Variants in CNTN6 observed in about 807,000 individuals in gnomAD.
CNTN6 encodes the protein contactin 6, also known as contactin-6.
A neutral mutation model predicts 122.8 loss-of-function variants in CNTN6; 137 were observed. The ratio of observed to expected loss-of-function variants is 1.12; its 90% CI spans 0.97 to 1.29. CNTN6 has a LOEUF of 1.29. Ranked by LOEUF, CNTN6 falls within the 50% of genes most tolerant of loss-of-function variation. The pLI is 0.00. For synonymous variants in CNTN6, 570 were observed against 426.0 expected (o/e 1.34, Z -4.16); for missense variants, 1,634 against 1,223.4 (o/e 1.34, Z -5.01).
rs149409711 is a variant in CNTN6 at position 1,373,574 on chromosome 3, A to G, written c.1787-30A>G. ...AAATTAATGAATGTAAGTATCTCCA[A>G]TGGAGTCATGATAAAACATTTTTTT... On this transcript the variant is annotated intron_variant, in intron 14 of 22. Transcript: ENST00000446702. 401 of 1,605,476 alleles carry G rather than the reference A, an allele frequency of 2.5e-4. 4 individuals carry two copies. In the African/African-American group the frequency reaches 4.1e-3, roughly 16 times the overall value.
chr3:1,111,245 T>C (rs2091467040), intron 1 of CNTN6, among the ~76,000 whole-genome samples: 2 of 152,168 alleles, frequency 1.3e-5, no homozygotes, highest in African/African-American at 4.8e-5. Flanking sequence ...CCCAGTGCTA[T>C]TTAGCTCATT....
At chr3:1,395,259 G>T (rs1382446424) in intron 20 of CNTN6, among the ~76,000 whole-genome samples, 2 of 152,020 alleles carry the variant, frequency 1.3e-5, no homozygotes, top group Non-Finnish European at 2.9e-5. Context: ...TCTATTAATG[G>T]CCTTAAACTC....
chr3:1,290,069 G>A (rs1695077813), intron 5 of CNTN6, among the ~76,000 whole-genome samples: 2 of 152,146 alleles, frequency 1.3e-5, no homozygotes, highest in African/African-American at 4.8e-5. Context: ...AGATTTCCTG[G>A]CTCCTCCCCA....
chr3:1,174,622 A>G (rs2093415969), intron 2 of CNTN6, among the ~76,000 whole-genome samples: 1 of 152,046 alleles, frequency 6.6e-6, no homozygotes, highest in Non-Finnish European at 1.5e-5. Context: ...ATTAGTAACT[A>G]TCAGTGTGAA....
intron 11 of CNTN6, among the ~76,000 whole-genome samples, chr3:1,339,114 A>T (rs975036308): frequency 6.6e-6 from 1 of 151,500 alleles, no homozygotes; most frequent in Admixed American, 6.6e-5. Context: ...TCTTTTTTTC[A>T]TAGTAGAACT....
At chr3:1,362,573 G>C (rs550769101) in intron 12 of CNTN6, among the ~76,000 whole-genome samples, 2 of 151,958 alleles carry the variant, frequency 1.3e-5, no homozygotes, top group Non-Finnish European at 2.9e-5. Context: ...ATTAGTAAAG[G>C]GGAGGATGCG....
Position 1,373,963 on chromosome 3 carries a change from T to C in CNTN6, c.1985T>C (p.Val662Ala), listed in dbSNP as rs766270923. 1 of 1,613,130 alleles carries C rather than the reference T, an allele frequency of 6.2e-7. No individual in the cohort carries two copies. Among genetic ancestry groups the C allele is most frequent in the South Asian group, 1.1e-5 (1 of 91,040 alleles). ...ILNGKTYNAT[V>A]VGLSPWVEYE... is the part of the protein sequence containing the mutation. The stretch of plus-strand genomic sequence containing the variant: ...AATGGTAAGACATACAATGCAACAG[T>C]GGTTGGTTTGAGTCCTTGGGTGGAA... The change falls in exon 16 of 23, where the codon GTG (valine) becomes GCG (alanine). Residue 662 changes from valine (V) to alanine (A), a missense_variant. By Grantham distance (64) the Val-to-Ala change is moderately conservative. Coordinates refer to ENST00000446702, the MANE Select transcript of CNTN6 (RefSeq NM_001289080.2).
intron 4 of CNTN6, among the ~76,000 whole-genome samples, chr3:1,246,807 C>A (rs1189192672): frequency 6.6e-6 from 1 of 152,024 alleles, no homozygotes; most frequent in Non-Finnish European, 1.5e-5. Flanking sequence ...TTATTATTGG[C>A]TATTTGGAAA....
intron 1 of CNTN6, among the ~76,000 whole-genome samples, chr3:1,110,195 G>GT (rs2091415713): frequency 6.6e-6 from 1 of 152,112 alleles, no homozygotes; most frequent in African/African-American, 2.4e-5. Flanking sequence ...TCACTTTTAA[G>GT]TATTAATGTC....
intron 20 of CNTN6, among the ~76,000 whole-genome samples, chr3:1,396,767 A>T (rs1173894882): frequency 6.6e-6 from 1 of 152,224 alleles, no homozygotes; most frequent in Admixed American, 6.5e-5. Flanking sequence ...GTAGAAGGAC[A>T]TCCAAAGCAT....
At chr3:1,377,157 T>G in intron 17 of CNTN6, 82 bp downstream of exon 17, 1 of 936,070 alleles carries the variant, frequency 1.1e-6, no homozygotes. Flanking sequence ...AAAGATTTAT[T>G]TGATCACTAT....
intron 4 of CNTN6, among the ~76,000 whole-genome samples, chr3:1,233,230 C>G (rs1268279439): frequency 6.6e-6 from 1 of 151,988 alleles, no homozygotes; most frequent in African/African-American, 2.4e-5. Flanking sequence ...CCAGTATTGC[C>G]CATTTCATAT....
chr3:1,345,171 C>T (rs368941371), intron 11 of CNTN6, among the ~76,000 whole-genome samples: 31 of 150,616 alleles, frequency 2.1e-4, no homozygotes, highest in African/African-American at 7.1e-4. Flanking sequence ...GGCTGTAGTG[C>T]GGTGGCACGA....
At chr3:1,386,770 C>A (rs186886652) in intron 20 of CNTN6, among the ~76,000 whole-genome samples, 1 of 152,078 alleles carries the variant, frequency 6.6e-6, no homozygotes. Context: ...AAGACTAAGA[C>A]AAATTCAGTG....
At chr3:1,291,719 C>T (rs761512728) in intron 5 of CNTN6, among the ~76,000 whole-genome samples, 1 of 152,044 alleles carries the variant, frequency 6.6e-6, no homozygotes, top group South Asian at 2.1e-4. Flanking sequence ...AAACAAAAAC[C>T]TTTGAGCATC....
At chr3:1,151,564 T>TATTC (rs1454001165) in intron 2 of CNTN6, among the ~76,000 whole-genome samples, 4 of 152,206 alleles carry the variant, frequency 2.6e-5, no homozygotes, top group African/African-American at 4.8e-5. Flanking sequence ...ATTTGCTAAA[T>TATTC]GAATAAAAGA....
intron 8 of CNTN6, among the ~76,000 whole-genome samples, chr3:1,325,064 A>G (rs1232708984): frequency 2.0e-5 from 3 of 151,884 alleles, no homozygotes; most frequent in Non-Finnish European, 4.4e-5. Context: ...TGAAAGAGAT[A>G]TTCATGTGAA....
intron 4 of CNTN6, among the ~76,000 whole-genome samples, chr3:1,276,256 C>G (rs919526776): frequency 6.6e-6 from 1 of 152,020 alleles, no homozygotes; most frequent in Non-Finnish European, 1.5e-5. Flanking sequence ...TAGTTTTTTA[C>G]TGTTGTTTTC....
chr3:1,258,763 A>G (rs1416492932), intron 4 of CNTN6, among the ~76,000 whole-genome samples: 2 of 152,052 alleles, frequency 1.3e-5, no homozygotes, highest in Admixed American at 6.6e-5. Flanking sequence ...TATCTGCTCC[A>G]TGGGGACAGC....
Sources: allele counts gnomAD v4.1 joint callset (sites outside exome capture counted in the v4.1 genomes callset), GRCh38; gene constraint gnomAD v4.1.1; transcripts MANE v1.5; gene names NCBI Gene and HGNC (gene_info 2026-07-23, HGNC 2026-07-21).